Variants in JHY observed in about 807,000 individuals in gnomAD.
JHY encodes the protein jhy protein homolog.
A neutral mutation model predicts 78.0 loss-of-function variants in JHY; 69 were observed. The observed-to-expected ratio is 0.88, with a 90% CI of 0.73 to 1.08. JHY has a LOEUF of 1.08. JHY is among the 50% of genes least tolerant of loss of function. JHY has a pLI of 0.00. For synonymous variants in JHY, 368 were observed against 342.6 expected (o/e 1.07, Z -0.82); for missense variants, 944 against 927.8 (o/e 1.02, Z -0.23).
At chr11:122,915,893 C>T (rs955057892) in intron 3 of JHY, among the ~76,000 whole-genome samples, 1 of 152,002 alleles carries the variant, frequency 6.6e-6, no homozygotes, top group Non-Finnish European at 1.5e-5. Context: ...GGCATGAAGT[C>T]GTGAAAGAAC....
chr11:122,959,269 A>G lies in JHY; in HGVS notation c.2161A>G (p.Ile721Val), dbSNP rs1271101777. 2 of 1,614,188 alleles carry G rather than the reference A, an allele frequency of 1.2e-6. No individual in the cohort carries two copies. Among genetic ancestry groups the G allele is most frequent in the Admixed American group, 3.3e-5 (2 of 60,022 alleles). The change falls in exon 9 of 9, where the codon ATC becomes GTC. Residue 721 changes from isoleucine (I) to valine (V), a missense_variant. Coordinates refer to ENST00000227349, the MANE Select transcript of JHY (RefSeq NM_024806.4). ...TTAGGCTTTGGAATACGCTAAGACC[A>G]TCCCCAAACCCAAACCATCAAATCT... is the stretch of plus-strand genomic sequence containing the variant. ...RQKALEYAKT[I>V]PKPKPSNLTH...
At chr11:122,953,113 C>T (rs549339590) in intron 6 of JHY, among the ~76,000 whole-genome samples, 5 of 152,182 alleles carry the variant, frequency 3.3e-5, no homozygotes, top group African/African-American at 7.2e-5. Context: ...TGGCTATTAA[C>T]GTATCTCAAA....
intron 6 of JHY, among the ~76,000 whole-genome samples, chr11:122,951,660 T>C: frequency 6.6e-6 from 1 of 152,210 alleles, no homozygotes; most frequent in East Asian, 1.9e-4. Flanking sequence ...TCAATGTCAC[T>C]TCCAGTCGGG....
chr11:122,913,183 C>G (rs1332552648), intron 3 of JHY, among the ~76,000 whole-genome samples: 1 of 152,138 alleles, frequency 6.6e-6, no homozygotes, highest in Non-Finnish European at 1.5e-5. Flanking sequence ...TCGCCATGCT[C>G]TCTTGAGGGT....
At chr11:122,956,058 C>T (rs554155163) in intron 6 of JHY, among the ~76,000 whole-genome samples, 2 of 151,952 alleles carry the variant, frequency 1.3e-5, no homozygotes, top group African/African-American at 4.8e-5. Context: ...GTAATCCCAG[C>T]GACTCAAGAG....
At chr11:122,932,009 G>A (rs1048213358) in intron 4 of JHY, among the ~76,000 whole-genome samples, 1 of 152,194 alleles carries the variant, frequency 6.6e-6, no homozygotes, top group African/African-American at 2.4e-5. Context: ...CTAAGTGCAT[G>A]GAGTATGCAG....
rs1318989320 is a variant in JHY at position 122,883,576 on chromosome 11, C to T, written c.-90+604C>T. Among the ~76,000 whole-genome samples, 1 of 151,678 alleles carries T rather than the reference C, an allele frequency of 6.6e-6. No homozygotes were observed. The highest frequency in any genetic ancestry group is 1.5e-5 in the Non-Finnish European group (1 of 67,950). ...CACCTCTCTTGGTCAGAAATTTCAG[C>T]GGCACAACCTTTTTTTTTTTTCACT... On this transcript the variant is annotated intron_variant, in intron 1 of 8. Coordinates refer to ENST00000227349, the MANE Select transcript of JHY (RefSeq NM_024806.4). This position sits in a 1 kb window ranked among gnomAD's most constrained non-coding sequence, Gnocchi z 4.4.
chr11:122,956,200 A>T (rs980609355), intron 6 of JHY, among the ~76,000 whole-genome samples: 2 of 152,156 alleles, frequency 1.3e-5, no homozygotes, highest in African/African-American at 4.8e-5. Flanking sequence ...AGAAAACAGG[A>T]CATCACTAGC....
chr11:122,929,219 G>C (rs1480717213), intron 4 of JHY, among the ~76,000 whole-genome samples: 1 of 150,478 alleles, frequency 6.6e-6, no homozygotes, highest in Non-Finnish European at 1.5e-5. Context: ...GAGCCACCAC[G>C]CCTGGCCAAG....
intron 5 of JHY, among the ~76,000 whole-genome samples, chr11:122,943,037 C>T (rs1032095794): frequency 6.6e-6 from 1 of 152,028 alleles, no homozygotes; most frequent in Non-Finnish European, 1.5e-5. Flanking sequence ...ACCACACCCA[C>T]CTACTTTTTA....
At chr11:122,902,895 A>T (rs1862892274) in intron 2 of JHY, among the ~76,000 whole-genome samples, 1 of 152,222 alleles carries the variant, frequency 6.6e-6, no homozygotes, top group Admixed American at 6.5e-5. Context: ...GGGTGGGGAC[A>T]CAGATCCAAA....
rs955484546 is a variant in JHY, at chr11:122,904,149, T to C, written c.569T>C (p.Leu190Ser). 6.2e-7 allele frequency: 1 copy of C among 1,614,056 alleles called. No homozygotes were observed. Among genetic ancestry groups the C allele is most frequent in the Non-Finnish European group, 8.5e-7 (1 of 1,180,030 alleles). The change falls in exon 3 of 9, where the codon TTA becomes TCA. Residue 190 changes from leucine (L) to serine (S), a missense_variant. Transcript: ENST00000227349. ...GAGAGTCCACAGAGTGCAGCTTCTTTACTTGGTAGTGAATTTTTAAGCCCA... is the reference window on the plus strand; with the variant it reads ...GAGAGTCCACAGAGTGCAGCTTCTTCACTTGGTAGTGAATTTTTAAGCCCA... ...QKESPQSAAS[L>S]LGSEFLSPNY...
intron 3 of JHY, among the ~76,000 whole-genome samples, chr11:122,907,810 G>A (rs1422087731): frequency 6.9e-6 from 1 of 144,866 alleles, no homozygotes; most frequent in Non-Finnish European, 1.5e-5. Flanking sequence ...TCCAGCCTGG[G>A]CAACAAGAGT....
intron 3 of JHY, among the ~76,000 whole-genome samples, chr11:122,911,905 CAAAAAAAAAA>C (rs59941995): frequency 1.5e-3 from 75 of 49,742 alleles, no homozygotes; most frequent in African/African-American, 5.0e-3. Flanking sequence ...AACTCTGTCT[CAAAAAAAAAA>C]AAAAAAAAAA....
At chr11:122,957,241 C>A in intron 7 of JHY, 122 bp from the exon 8 acceptor site, 1 of 1,072,480 alleles carries the variant, frequency 9.3e-7, no homozygotes, top group Non-Finnish European at 1.3e-6. Context: ...CAAGGTGATC[C>A]CATTGCTCCT....
chr11:122,959,642 T>A lies in JHY; in HGVS notation c.*197T>A, dbSNP rs980956618. ...CATATTTTACTTTCTAGGAAGAAAA[T>A]TTTTTAAATTATTTATTTTCAAATC... On this transcript the variant is annotated 3_prime_UTR_variant, in exon 9 of 9. Transcript: ENST00000227349. The A allele has an allele frequency of 1.8e-6, 1 of 549,010 alleles. No homozygotes were observed. Among genetic ancestry groups the A allele is most frequent in the African/African-American group, 1.9e-5 (1 of 52,572 alleles). The allele number at this position is 549,010 out of a possible 1,614,324, so 34.0% of individuals were successfully genotyped here.
At chr11:122,886,298 C>G (rs141749816) in intron 2 of JHY, 105 bp downstream of exon 2, 2 of 1,086,598 alleles carry the variant, frequency 1.8e-6, no homozygotes, top group African/African-American at 3.2e-5. Flanking sequence ...CCCTAATGAG[C>G]GCCGTGTGTG....
chr11:122,916,130 T>C (rs1211877695), intron 3 of JHY, among the ~76,000 whole-genome samples: 1 of 151,854 alleles, frequency 6.6e-6, no homozygotes, highest in African/African-American at 2.4e-5. Flanking sequence ...CAAAGTTAGG[T>C]GACTGTAGTT....
intron 3 of JHY, among the ~76,000 whole-genome samples, chr11:122,916,241 A>G (rs771573821): frequency 5.9e-5 from 9 of 152,214 alleles, no homozygotes; most frequent in Non-Finnish European, 1.2e-4. Context: ...GATACCCCAC[A>G]TATCTTGTTC....
Sources: gnomAD v4.1 joint callset for allele counts (sites outside exome capture counted in the v4.1 genomes callset) on GRCh38, gnomAD v4.1.1 for gene constraint, Gnocchi (gnomAD v3.1) non-coding constraint, MANE v1.5 for transcripts, NCBI Gene and HGNC (gene_info 2026-07-23, HGNC 2026-07-21) for gene names.